KCNJ6: variants seen among roughly 807,000 people sequenced by gnomAD.
The protein encoded by KCNJ6 is G protein-activated inward rectifier potassium channel 2.
In KCNJ6, 9 loss-of-function variants were observed where a neutral mutation model predicts 34.2. That is an observed-to-expected ratio of 0.26 (90% CI 0.16 to 0.46). The LOEUF is 0.46. KCNJ6 is among the 20% of genes least tolerant of loss of function. KCNJ6 has a pLI of 1.00. For synonymous variants in KCNJ6, 196 were observed against 207.1 expected (o/e 0.95, Z 0.46); for missense variants, 236 against 531.3 (o/e 0.44, Z 5.46).
intron 1 of KCNJ6, among the ~76,000 whole-genome samples, chr21:37,870,971 A>G (rs1266167480): frequency 1.3e-5 from 2 of 152,194 alleles, no homozygotes; most frequent in Non-Finnish European, 2.9e-5. Context: ...AAGATGCACC[A>G]TTATCTCTAT....
At chr21:37,731,100 A>ATGT (rs1556026750) in intron 2 of KCNJ6, among the ~76,000 whole-genome samples, 72 of 134,674 alleles carry the variant, frequency 5.3e-4, no homozygotes, top group South Asian at 1.4e-3. Flanking sequence ...AGATGAGAGA[A>ATGT]GTGTGTGTGT....
chr21:37,712,067 C>T (rs981746544), intron 3 of KCNJ6, among the ~76,000 whole-genome samples: 1 of 152,256 alleles, frequency 6.6e-6, no homozygotes, highest in Non-Finnish European at 1.5e-5. Context: ...AATTCTGACT[C>T]AGGGACATCA....
At chr21:37,747,516 C>T (rs923978837) in intron 2 of KCNJ6, among the ~76,000 whole-genome samples, 3 of 152,180 alleles carry the variant, frequency 2.0e-5, no homozygotes, top group Admixed American at 6.5e-5. Flanking sequence ...AAAGAAAAAT[C>T]GAGGTTGCAG....
chr21:37,785,939 G>C (rs1193330512), intron 2 of KCNJ6, among the ~76,000 whole-genome samples: 2 of 152,248 alleles, frequency 1.3e-5, no homozygotes, highest in African/African-American at 2.4e-5. Context: ...CTGAGTAAGA[G>C]AGGTGGCCCT....
intron 1 of KCNJ6, among the ~76,000 whole-genome samples, chr21:37,883,146 G>A (rs1317521354): frequency 6.6e-6 from 1 of 152,206 alleles, no homozygotes; most frequent in Admixed American, 6.5e-5. Context: ...TGGGTAACCT[G>A]GGAGTTGCTT....
chr21:37,770,187 T>C lies in KCNJ6; in HGVS notation c.26-55056A>G, dbSNP rs544906350. Among the ~76,000 whole-genome samples, 7 of 152,242 alleles carry C rather than the reference T, an allele frequency of 4.6e-5. No homozygotes were observed. In the East Asian group the frequency reaches 1.4e-3, roughly 29 times the overall value. ...CCTATCTGAGGAAGTTTTCTCTGTT[T>C]TGGCTCAGGAATCTGTAAGGGCCTC... On this transcript the variant is annotated intron_variant, in intron 2 of 3. Coordinates refer to ENST00000609713, the MANE Select transcript of KCNJ6 (RefSeq NM_002240.5).
intron 2 of KCNJ6, among the ~76,000 whole-genome samples, chr21:37,767,230 G>C (rs2055095611): frequency 6.6e-6 from 1 of 152,186 alleles, no homozygotes; most frequent in Non-Finnish European, 1.5e-5. Context: ...AGGTGAGAAA[G>C]ATGGGAGACA....
chr21:37,910,992 G>A (rs991529365), intron 1 of KCNJ6, among the ~76,000 whole-genome samples: 1 of 152,128 alleles, frequency 6.6e-6, no homozygotes, highest in Non-Finnish European at 1.5e-5. Context: ...TGATTAGCAG[G>A]TATGATTAGA....
intron 2 of KCNJ6, among the ~76,000 whole-genome samples, chr21:37,761,234 T>A (rs2055060477): frequency 6.6e-6 from 1 of 151,456 alleles, no homozygotes; most frequent in Admixed American, 6.6e-5. Context: ...TGTCTGTGTG[T>A]GTGGTGTGTG....
intron 3 of KCNJ6, among the ~76,000 whole-genome samples, chr21:37,661,617 T>TTTTTTTTTTTTTTG (rs2054489128): frequency 4.6e-5 from 2 of 43,428 alleles, no homozygotes; most frequent in Non-Finnish European, 7.8e-5. Context: ...AGACATAGTT[T>TTTTTTTTTTTTTTG]TTTTTTTTTT....
intron 3 of KCNJ6, among the ~76,000 whole-genome samples, chr21:37,633,508 C>A (rs9647173): frequency 0.41 from 62,386 of 151,798 alleles, 12,984 homozygotes; most frequent in Admixed American, 0.5. Context: ...TAATTTGATT[C>A]AAAAATAAAT....
intron 3 of KCNJ6, among the ~76,000 whole-genome samples, chr21:37,655,511 A>G (rs1345674558): frequency 2.0e-5 from 3 of 151,840 alleles, no homozygotes; most frequent in South Asian, 4.2e-4. Context: ...GGGTTTTTAT[A>G]TAGGCTGTGC....
In KCNJ6 at chr21:37,609,096, A is replaced by C. The variant is rs1467856420; in HGVS notation, c.*16063T>G. 1.3e-5 allele frequency: 2 copies of C among 152,200 alleles called. No individual in the cohort carries two copies. The highest frequency in any genetic ancestry group is 4.8e-5 in the African/African-American group (2 of 41,440). The allele number at this position is 152,200 out of a possible 1,614,324, so 9.4% of individuals were successfully genotyped here. On this transcript the variant is annotated 3_prime_UTR_variant, in exon 4 of 4. Transcript: ENST00000609713. ...TTTGATAAAGAACTCAAGTTCCTGA[A>C]AAAATTTCTGGAGACAAAGTTGAGG...
At chr21:37,655,235 G>A (rs1465879358) in intron 3 of KCNJ6, among the ~76,000 whole-genome samples, 46 of 2,544 alleles carry the variant, frequency 0.018, no homozygotes, top group Non-Finnish European at 0.026. Context: ...GAGAGAGAGA[G>A]AGAGAGAGAG....
rs1601436219 is a variant in KCNJ6 at position 37,718,797 on chromosome 21, C to G, written c.26-3666G>C. 2.0e-5 allele frequency among the ~76,000 whole-genome samples: 3 copies of G among 152,150 alleles called. No individual in the cohort carries two copies. The East Asian group carries it at 5.8e-4, about 30-fold the overall frequency. The stretch of plus-strand genomic sequence containing the variant: ...AACCTGCACGTTGTGCACAGGTACC[C>G]TAGAACTTAAAGTATAATAATAAAA... On this transcript the variant is annotated intron_variant, in intron 2 of 3. Coordinates refer to ENST00000609713, the MANE Select transcript of KCNJ6 (RefSeq NM_002240.5).
chr21:37,805,909 CA>C (rs1211491838), intron 2 of KCNJ6, among the ~76,000 whole-genome samples: 4 of 152,190 alleles, frequency 2.6e-5, no homozygotes, highest in Non-Finnish European at 5.9e-5. Context: ...CCTTCAGCGA[CA>C]GCATGACCCT....
At chr21:37,661,614 G>GTCTTTTTTTTTT (rs2054488520) in intron 3 of KCNJ6, among the ~76,000 whole-genome samples, 1 of 71,172 alleles carries the variant, frequency 1.4e-5, no homozygotes, top group Non-Finnish European at 2.6e-5. Context: ...AAGAGACATA[G>GTCTTTTTTTTTT]TTTTTTTTTT....
chr21:37,649,979 G>A (rs1372678582), intron 3 of KCNJ6, among the ~76,000 whole-genome samples: 2 of 150,690 alleles, frequency 1.3e-5, no homozygotes, highest in African/African-American at 4.9e-5. Flanking sequence ...TAGCCAGGAT[G>A]GTCTCCATCT....
At position 37,717,448 on chromosome 21, in the gene KCNJ6, A is replaced by G. The variant is rs555274516; in HGVS notation, c.26-2317T>C. ...TGGGGTGGGTGTATGGATGGAGGCA[A>G]AGGCCATGTCCTTCTCACTGGAGGT... On this transcript the variant is annotated intron_variant, in intron 2 of 3. Coordinates refer to ENST00000609713, the MANE Select transcript of KCNJ6 (RefSeq NM_002240.5). Among the ~76,000 whole-genome samples the G allele has an allele frequency of 8.6e-5, 13 of 150,630 alleles. No individual in the cohort carries two copies. In the East Asian group the frequency reaches 1.9e-3, roughly 22 times the overall value.
Sources: allele counts gnomAD v4.1 joint callset (sites outside exome capture counted in the v4.1 genomes callset), GRCh38; gene constraint gnomAD v4.1.1; transcripts MANE v1.5; gene names NCBI Gene and HGNC (gene_info 2026-07-23, HGNC 2026-07-21).